MAPKBP1: variants seen among roughly 807,000 people sequenced by gnomAD.
The protein encoded by MAPKBP1 is mitogen-activated protein kinase binding protein 1, also known as mitogen-activated protein kinase-binding protein 1.
In MAPKBP1, 71 loss-of-function variants were observed where a neutral mutation model predicts 170.5. The ratio of observed to expected loss-of-function variants is 0.42; its 90% CI spans 0.34 to 0.51. The LOEUF (loss-of-function observed/expected upper bound fraction) is 0.51, where lower values mean the gene tolerates loss of function less well. Among genes scored for constraint, MAPKBP1 ranks in the 20% least tolerant of loss-of-function variants. The pLI is 0.06. For missense variants in MAPKBP1, 1,598 were observed against 1,933.0 expected, an observed-to-expected ratio of 0.83 and a Z score of 3.25; for synonymous variants, 719 against 757.9, an observed-to-expected ratio of 0.95 and a Z score of 0.84.
rs948189441 is a variant in MAPKBP1 at position 41,827,040 on chromosome 15, A to C, written c.*1604A>C. On this transcript the variant is annotated 3_prime_UTR_variant, in exon 31 of 31. Coordinates refer to ENST00000457542, the MANE Select transcript of MAPKBP1 (RefSeq NM_014994.3). ...GCCAGGTGTGGTGGCTCAAGCCTGT[A>C]ATCCCAGCACTTTGGGAGGCCGAGG... 1 of 152,264 alleles carries C rather than the reference A, an allele frequency of 6.6e-6. No homozygotes were observed. The highest frequency in any genetic ancestry group is 2.4e-5 in the African/African-American group (1 of 41,402). The allele number at this position is 152,264 out of a possible 1,614,324, so 9.4% of individuals were successfully genotyped here. A position where few individuals can be genotyped will look rare whatever the true frequency, so the allele number is the denominator to read the frequency against.
Position 41,817,183 on chromosome 15 carries a change from A to C in MAPKBP1, c.1711+148A>C, listed in dbSNP as rs1318161269. ...AGCTGGTTGGGAAGATAGGTGGAAC[A>C]GAGACTCTCAGTGCTGGGACTTGAG... On this transcript the variant is annotated intron_variant, in intron 14 of 30. Coordinates refer to ENST00000457542, the MANE Select transcript of MAPKBP1 (RefSeq NM_014994.3). The surrounding 1 kb of genome is among the most constrained non-coding windows in gnomAD (Gnocchi z 4.2). 2 of 1,349,714 alleles carry C rather than the reference A, an allele frequency of 1.5e-6. No homozygotes were observed. Among genetic ancestry groups the C allele is most frequent in the Non-Finnish European group, 2.0e-6 (2 of 993,894 alleles). The allele number at this position is 1,349,714 out of a possible 1,614,324, so 83.6% of individuals were successfully genotyped here. A position where few individuals can be genotyped will look rare whatever the true frequency, so the allele number is the denominator to read the frequency against.
chr15:41,817,926 G>A lies in MAPKBP1; in HGVS notation c.1905-83G>A. 1 of 1,535,014 alleles carries A rather than the reference G, an allele frequency of 6.5e-7. No homozygotes were observed. On this transcript the variant is annotated intron_variant, in intron 16 of 30. Transcript: ENST00000457542. This position sits in a 1 kb window ranked among gnomAD's most constrained non-coding sequence, Gnocchi z 4.2. ...GGTAGCTCCCAGAGAGTGTAGACTG[G>A]GAGTGAAAGCTGGCATTTCCATCCC...
At chr15:41,796,605 T>C (rs184079429) in intron 2 of MAPKBP1, among the ~76,000 whole-genome samples, 15,092 of 151,064 alleles carry the variant, frequency 0.1, 838 homozygotes, top group African/African-American at 0.14. Context: ...AAACTGCTTT[T>C]CCCCCCCCTT....
chr15:41,822,665 C>A lies in MAPKBP1; in HGVS notation c.3302C>A (p.Thr1101Asn). The A allele has an allele frequency of 6.2e-7, 1 of 1,614,068 alleles. No individual in the cohort carries two copies. The highest frequency in any genetic ancestry group is 8.5e-7 in the Non-Finnish European group (1 of 1,179,970). Residue 1101 changes from threonine to asparagine, a missense_variant, in exon 27 of 31, where the codon ACC becomes AAC. Coordinates refer to ENST00000457542, the MANE Select transcript of MAPKBP1 (RefSeq NM_014994.3). ...TCACGATTCCTGTTGCAAGTACAGA[C>A]CCGCCCACTCAGGTACAGAGGCCCC... ...ISSRFLLQVQ[T>N]RPLREPSPSS... is the part of the protein sequence containing the mutation.
At chr15:41,819,942 A>T (rs2064966673) in intron 22 of MAPKBP1, among the ~76,000 whole-genome samples, 1 of 152,172 alleles carries the variant, frequency 6.6e-6, no homozygotes, top group South Asian at 2.1e-4. Flanking sequence ...TGGTGCCTGG[A>T]AGTAAATATC....
Position 41,812,640 on chromosome 15 carries a change from G to C in MAPKBP1, c.623G>C (p.Ser208Thr), listed in dbSNP as rs2064823979. The C allele has an allele frequency of 6.2e-7, 1 of 1,606,836 alleles. No homozygotes were observed. Among genetic ancestry groups the C allele is most frequent in the Non-Finnish European group, 8.5e-7 (1 of 1,175,816 alleles). ...RHIKFWYLDDSKTSKVNATVP... is the reference protein window; with the variant it reads ...RHIKFWYLDDTKTSKVNATVP... ...ATCAAATTCTGGTATCTCGATGACAGCAAGACCTCAAAGGTGAGGTGCTGA... is the reference window on the plus strand; with the variant it reads ...ATCAAATTCTGGTATCTCGATGACACCAAGACCTCAAAGGTGAGGTGCTGA... The change falls in exon 7 of 31, where the codon AGC becomes ACC. Residue 208 changes from serine to threonine, a missense_variant. Around this residue, in one of 6 missense-constraint regions of MAPKBP1, gnomAD observed 430 missense variants for 617.2 expected, o/e 0.70. Coordinates refer to ENST00000457542, the MANE Select transcript of MAPKBP1 (RefSeq NM_014994.3).
At chr15:41,824,195 G>T in intron 29 of MAPKBP1, 134 bp downstream of exon 29, 1 of 1,249,006 alleles carries the variant, frequency 8.0e-7, no homozygotes, top group Non-Finnish European at 1.1e-6. Context: ...CCTGTCGCAG[G>T]TCCGTAAGTC....
rs2065046083 is a variant in MAPKBP1 at position 41,823,890 on chromosome 15, A to G, written c.4042A>G (p.Lys1348Glu). ...WACLGEGTTP[K>E]PRTECQAHPG... Reference sequence around the variant, plus strand: ...CTGTTTGGGGGAGGGCACCACTCCCAAGCCTAGGACAGAGTGCCAGGCTCA... The same window carrying G: ...CTGTTTGGGGGAGGGCACCACTCCCGAGCCTAGGACAGAGTGCCAGGCTCA... Residue 1348 changes from lysine (K) to glutamate (E), a missense_variant, in exon 29 of 31, where the codon AAG becomes GAG. By Grantham distance (56) the Lys-to-Glu change is moderately conservative. Coordinates refer to ENST00000457542, the MANE Select transcript of MAPKBP1 (RefSeq NM_014994.3). 6.2e-7 allele frequency: 1 copy of G among 1,614,042 alleles called. No homozygotes were observed. Among genetic ancestry groups the G allele is most frequent in the South Asian group, 1.1e-5 (1 of 91,094 alleles).
Position 41,812,061 on chromosome 15 carries a change from T to C in MAPKBP1, c.432T>C (p.Pro144=). The C allele has an allele frequency of 2.5e-6, 4 of 1,614,056 alleles. No homozygotes were observed. Among genetic ancestry groups the C allele is most frequent in the South Asian group, 1.1e-5 (1 of 91,062 alleles). The change falls in exon 6 of 31, where the codon CCT becomes CCC. Residue 144 remains proline, a synonymous_variant. Transcript: ENST00000457542. The part of the protein sequence containing the change: ...KYGVACVAFS[P]SAKYIVSVGY... ...GTGTGGCTTGTGTGGCCTTCTCTCC[T>C]AGCGCCAAGTACATTGTCTCTGTGG...
At chr15:41,820,186 C>T (rs2064971039) in intron 22 of MAPKBP1, among the ~76,000 whole-genome samples, 1 of 152,160 alleles carries the variant, frequency 6.6e-6, no homozygotes, top group African/African-American at 2.4e-5. Flanking sequence ...GTGTTCAGAG[C>T]AAGTTCCCAA....
chr15:41,816,197 T>TA (rs1225552850), intron 12 of MAPKBP1: 15 of 353,074 alleles, frequency 4.2e-5, no homozygotes, highest in Admixed American at 1.3e-4. Flanking sequence ...AGAGAACTGT[T>TA]ACAGACCACA....
rs763100511 is a variant in MAPKBP1, at chr15:41,810,934, C to T, written c.258C>T (p.Leu86=). Residue 86 remains leucine (L), a synonymous_variant, in exon 4 of 31, where the codon CTC becomes CTT. Transcript: ENST00000457542. ...NPRKHKQHHI[L]NSSRKTITAL... is the part of the protein sequence containing the mutation. ...GGAAACACAAACAGCACCACATCCT[C>T]AACAGTTCCAGGTAAATGGGCTGGG... 2 of 1,614,202 alleles carry T rather than the reference C, an allele frequency of 1.2e-6. No homozygotes were observed. Among genetic ancestry groups the T allele is most frequent in the Admixed American group, 3.3e-5 (2 of 60,018 alleles).
chr15:41,815,162 A>G, intron 10 of MAPKBP1, 97 bp from the exon 11 acceptor site: 1 of 1,464,008 alleles, frequency 6.8e-7, no homozygotes, highest in Non-Finnish European at 9.4e-7. Flanking sequence ...AGTCCTGGCC[A>G]CCATTCCCTT....
chr15:41,796,388 G>A (rs1028535505), intron 2 of MAPKBP1, among the ~76,000 whole-genome samples: 5 of 152,198 alleles, frequency 3.3e-5, no homozygotes, highest in African/African-American at 1.2e-4. Context: ...GTCAGTTTAT[G>A]AAGTCCATCA....
chr15:41,777,450 C>CTGGCA (rs2064117047), intron 2 of MAPKBP1, among the ~76,000 whole-genome samples: 1 of 152,104 alleles, frequency 6.6e-6, no homozygotes, highest in Non-Finnish European at 1.5e-5. Flanking sequence ...AGGGGCATCC[C>CTGGCA]TGGCAAGACC....
chr15:41,775,163 T>G lies in MAPKBP1; in HGVS notation c.-109-4T>G. 1 of 764,546 alleles carries G rather than the reference T, an allele frequency of 1.3e-6. No individual in the cohort carries two copies. Among genetic ancestry groups the G allele is most frequent in the Non-Finnish European group, 2.2e-6 (1 of 450,942 alleles). 47.4% of individuals were successfully genotyped at this position (764,546 alleles called of 1,614,324 possible). A position where few individuals can be genotyped will look rare whatever the true frequency, so the allele number is the denominator to read the frequency against. On this transcript the variant is annotated splice_polypyrimidine_tract_variant and splice_region_variant and intron_variant, in intron 1 of 30. Coordinates refer to ENST00000457542, the MANE Select transcript of MAPKBP1 (RefSeq NM_014994.3). ...TGATACTAAGGTGGCTTCTGCCATC[T>G]CAGGTCAGTGAGAGGGCATACTGGG... is the stretch of plus-strand genomic sequence containing the variant.
rs2064748992 is a variant in MAPKBP1 at position 41,808,683 on chromosome 15, C to A, written c.207-2200C>A. 2.7e-5 allele frequency among the ~76,000 whole-genome samples: 4 copies of A among 149,122 alleles called. No individual in the cohort carries two copies. In the South Asian group the frequency reaches 9.2e-4, roughly 34 times the overall value. ...TAGAGATGGGGTTTTACCATGTTGG[C>A]CAGCCTGATCTCGAACTCCTGACCT... is the stretch of plus-strand genomic sequence containing the variant. On this transcript the variant is annotated intron_variant, in intron 3 of 30. Coordinates refer to ENST00000457542, the MANE Select transcript of MAPKBP1 (RefSeq NM_014994.3).
intron 2 of MAPKBP1, among the ~76,000 whole-genome samples, chr15:41,785,012 C>G (rs1385966283): frequency 6.6e-6 from 1 of 151,762 alleles, no homozygotes; most frequent in Non-Finnish European, 1.5e-5. Context: ...TAGGTCTAGA[C>G]TCCCTCCCAG....
At chr15:41,783,791 CG>C (rs2064230914) in intron 2 of MAPKBP1, among the ~76,000 whole-genome samples, 1 of 152,136 alleles carries the variant, frequency 6.6e-6, no homozygotes, top group South Asian at 2.1e-4. Flanking sequence ...GGGTGGATCA[CG>C]AGATCAGGAG....
Sources: allele counts gnomAD v4.1 joint callset (sites outside exome capture counted in the v4.1 genomes callset), GRCh38; gene constraint gnomAD v4.1.1; regional missense constraint gnomAD v4.1.1; non-coding constraint Gnocchi (gnomAD v3.1); transcripts MANE v1.5; gene names NCBI Gene and HGNC (gene_info 2026-07-23, HGNC 2026-07-21).